The following SLC43A1 variants were observed in gnomAD, a reference collection of about 807,000 sequenced individuals.
SLC43A1 encodes solute carrier family 43 member 1.
In SLC43A1, 31 loss-of-function variants were observed where a neutral mutation model predicts 59.5. The observed-to-expected ratio is 0.52, with a 90% CI of 0.39 to 0.70. The LOEUF (loss-of-function observed/expected upper bound fraction) is 0.70, where lower values mean the gene tolerates loss of function less well. SLC43A1 is among the 30% of genes least tolerant of loss of function. SLC43A1 has a pLI of 0.00. For missense variants in SLC43A1, 598 were observed against 717.8 expected, an observed-to-expected ratio of 0.83 and a Z score of 1.91; for synonymous variants, 259 against 290.9, an observed-to-expected ratio of 0.89 and a Z score of 1.12.
At chr11:57,493,861 G>GC (rs1196086933) in intron 8 of SLC43A1, 132 bp downstream of exon 8, 1 of 807,222 alleles carries the variant, frequency 1.2e-6, no homozygotes, top group Admixed American at 3.8e-5. Context: ...TGAGGAGCAT[G>GC]CCCCACCTAC....
At chr11:57,490,375 C>T (rs1252785773) in intron 11 of SLC43A1, among the ~76,000 whole-genome samples, 1 of 152,006 alleles carries the variant, frequency 6.6e-6, no homozygotes, top group African/African-American at 2.4e-5. Flanking sequence ...AGGATCCTGC[C>T]TCCTGGTATT....
rs750737397 is a variant in SLC43A1, at chr11:57,500,817, C to T, written c.427G>A (p.Gly143Ser). Residue 143 changes from glycine (G) to serine (S), a missense_variant, in exon 5 of 15, where the codon GGC (glycine) becomes AGC (serine). By Grantham distance (56) the Gly-to-Ser change is moderately conservative (BLOSUM62 0). Transcript: ENST00000278426. Reference sequence around the variant, plus strand: ...AACGTTAGGCAGATGCCACCAAAGCCATTCAGGGACAGCGCCAGGAATATC... The same window carrying T: ...AACGTTAGGCAGATGCCACCAAAGCTATTCAGGGACAGCGCCAGGAATATC... ...PLIFLALSLN[G>S]FGGICLTFTS... 1.1e-5 allele frequency: 17 copies of T among 1,614,136 alleles called. No homozygotes were observed. In the South Asian group the frequency reaches 1.8e-4, roughly 17 times the overall value.
chr11:57,488,842 C>G, intron 13 of SLC43A1, 74 bp downstream of exon 13: 1 of 1,325,676 alleles, frequency 7.5e-7, no homozygotes, highest in Non-Finnish European at 1.1e-6. Flanking sequence ...GCCTGGGGCC[C>G]TCCCAACCCT....
At position 57,514,228 on chromosome 11, in the gene SLC43A1, C is replaced by A; in HGVS notation, c.-13-104G>T. On this transcript the variant is annotated intron_variant, in intron 1 of 14. Coordinates refer to ENST00000278426, the MANE Select transcript of SLC43A1 (RefSeq NM_003627.6). The surrounding 1 kb of genome is among the most constrained non-coding windows in gnomAD (Gnocchi z 5.5). ...ACCTCTCGGGCCAGCCCGCGAGGAG[C>A]CCCTCATGGAGGCCCCATAGAGCCC... 3 of 1,350,652 alleles carry A rather than the reference C, an allele frequency of 2.2e-6. No individual in the cohort carries two copies. The highest frequency in any genetic ancestry group is 2.9e-6 in the Non-Finnish European group (3 of 1,021,018). 83.7% of individuals were successfully genotyped at this position (1,350,652 alleles called of 1,614,324 possible). A position where few individuals can be genotyped will look rare whatever the true frequency, so the allele number is the denominator to read the frequency against.
chr11:57,497,320 C>T (rs2081738374), intron 6 of SLC43A1, among the ~76,000 whole-genome samples: 1 of 152,222 alleles, frequency 6.6e-6, no homozygotes, highest in African/African-American at 2.4e-5. Flanking sequence ...AGGATCCAGC[C>T]TGGCATAAAC....
chr11:57,505,605 C>A (rs757814866), intron 2 of SLC43A1, among the ~76,000 whole-genome samples: 1 of 151,976 alleles, frequency 6.6e-6, no homozygotes, highest in Non-Finnish European at 1.5e-5. Context: ...ATATGTATAA[C>A]GTGTGGGGGT....
intron 2 of SLC43A1, among the ~76,000 whole-genome samples, chr11:57,512,691 T>C (rs567569865): frequency 1.3e-5 from 2 of 152,178 alleles, no homozygotes; most frequent in South Asian, 2.1e-4. Context: ...GCCACTCTTA[T>C]GTGTATCATT....
At chr11:57,505,631 C>T (rs773094443) in intron 2 of SLC43A1, among the ~76,000 whole-genome samples, 5 of 151,796 alleles carry the variant, frequency 3.3e-5, no homozygotes, top group Non-Finnish European at 5.9e-5. Flanking sequence ...ACAGCAAACC[C>T]GATATTCCAA....
At chr11:57,501,552 C>A (rs1228461998) in intron 2 of SLC43A1, among the ~76,000 whole-genome samples, 1 of 152,210 alleles carries the variant, frequency 6.6e-6, no homozygotes, top group Non-Finnish European at 1.5e-5. Flanking sequence ...CTTCAACTAG[C>A]TCAAATGAAA....
At chr11:57,510,178 C>T (rs570364474) in intron 2 of SLC43A1, among the ~76,000 whole-genome samples, 5 of 151,920 alleles carry the variant, frequency 3.3e-5, no homozygotes, top group African/African-American at 4.8e-5. Context: ...ATGGGCAGGC[C>T]GGGCGCGGTG....
rs962026109 is a variant in SLC43A1, at chr11:57,494,007, T to C, written c.857A>G (p.Glu286Gly). The C allele has an allele frequency of 1.3e-6, 2 of 1,595,588 alleles. No individual in the cohort carries two copies. Among genetic ancestry groups the C allele is most frequent in the African/African-American group, 2.7e-5 (2 of 73,902 alleles). Residue 286 changes from glutamate to glycine, a missense_variant, in exon 8 of 15, where the codon GAA becomes GGA. By Grantham distance (98) the Glu-to-Gly change is moderately conservative (BLOSUM62 -2). Coordinates refer to ENST00000278426, the MANE Select transcript of SLC43A1 (RefSeq NM_003627.6). ...MSPQDVRGTS[E>G]NLPERSVPLR... is the part of the protein sequence containing the mutation. ...CAGACACTCACTCTCAGGAAGGTTT[T>C]CTGAGGTGCCCCGAACATCCTGGGG...
intron 8 of SLC43A1, 146 bp downstream of exon 8, chr11:57,493,847 T>A (rs1378191386): frequency 1.4e-6 from 1 of 714,072 alleles, no homozygotes; most frequent in African/African-American, 1.9e-5. Context: ...TGCCCATCTG[T>A]AAATGAGGAG....
At chr11:57,489,459 G>C (rs1943838538) in intron 11 of SLC43A1, 67 bp from the exon 12 acceptor site, 1 of 1,577,880 alleles carries the variant, frequency 6.3e-7, no homozygotes, top group East Asian at 2.2e-5. Flanking sequence ...TCTTGGCCTG[G>C]CCCCTCCCCC....
Position 57,501,062 on chromosome 11 carries a change from G to T in SLC43A1, c.333-19C>A. 6.2e-7 allele frequency: 1 copy of T among 1,606,228 alleles called. No individual in the cohort carries two copies. The highest frequency in any genetic ancestry group is 1.7e-4 in the Middle Eastern group (1 of 6,052). Reference sequence around the variant, plus strand: ...GCAGGCACTGTGGAGACACAGGGAAGGGCGAGGGGTTGGCCTGTGAGCACC... The same window carrying T: ...GCAGGCACTGTGGAGACACAGGGAATGGCGAGGGGTTGGCCTGTGAGCACC... On this transcript the variant is annotated intron_variant, in intron 3 of 14. Coordinates refer to ENST00000278426, the MANE Select transcript of SLC43A1 (RefSeq NM_003627.6).
intron 14 of SLC43A1, 45 bp from the exon 15 acceptor site, chr11:57,485,287 TGCCCTTAGCCTCCC>T (rs1354069994): frequency 6.4e-7 from 1 of 1,562,774 alleles, no homozygotes; most frequent in Admixed American, 2.0e-5. Context: ...GGTAGTCATC[TGCCCTTAGCCTCCC>T]ACAGGGAGGA....
chr11:57,493,919 AC>A (rs1944002519), intron 8 of SLC43A1, 73 bp downstream of exon 8: 1 of 1,433,974 alleles, frequency 7.0e-7, no homozygotes. Context: ...TAAATACTCA[AC>A]CATGAGTGCT....
At chr11:57,487,282 C>G in intron 13 of SLC43A1, 64 bp from the exon 14 acceptor site, 2 of 1,568,188 alleles carry the variant, frequency 1.3e-6, no homozygotes, top group Non-Finnish European at 1.7e-6. Context: ...AGCACCTCTC[C>G]TATCCCCTCC....
At chr11:57,498,643 A>T (rs1414599839) in intron 5 of SLC43A1, among the ~76,000 whole-genome samples, 2 of 150,690 alleles carry the variant, frequency 1.3e-5, no homozygotes. Flanking sequence ...GTGCCTCTTA[A>T]CCCTCTCGGT....
chr11:57,501,737 T>C (rs1944272141), intron 2 of SLC43A1, among the ~76,000 whole-genome samples: 1 of 152,234 alleles, frequency 6.6e-6, no homozygotes, highest in African/African-American at 2.4e-5. Flanking sequence ...TGGTAGTTCA[T>C]GCCTGTAATC....
Sources: gnomAD v4.1 joint callset for allele counts (sites outside exome capture counted in the v4.1 genomes callset) on GRCh38, gnomAD v4.1.1 for gene constraint, Gnocchi (gnomAD v3.1) non-coding constraint, MANE v1.5 for transcripts, NCBI Gene and HGNC (gene_info 2026-07-23, HGNC 2026-07-21) for gene names.